Variants in HIPK2 observed in about 807,000 individuals in gnomAD.
HIPK2 encodes the protein homeodomain interacting protein kinase 2.
In HIPK2, 27 loss-of-function variants were observed where a neutral mutation model predicts 113.7. The ratio of observed to expected loss-of-function variants is 0.24; its 90% CI spans 0.17 to 0.33. HIPK2 has a LOEUF of 0.33. Ranked by LOEUF, HIPK2 falls within the 10% of genes least tolerant of loss-of-function variation. The pLI, the probability that HIPK2 is intolerant of heterozygous loss-of-function variation, is 1.00. For synonymous variants in HIPK2, 631 were observed against 642.2 expected, an observed-to-expected ratio of 0.98 and a Z score of 0.26; for missense variants, 1,257 against 1,588.0, an observed-to-expected ratio of 0.79 and a Z score of 3.54.
At chr7:139,593,985 C>T (rs776797820) in intron 12 of HIPK2, among the ~76,000 whole-genome samples, 4 of 152,162 alleles carry the variant, frequency 2.6e-5, no homozygotes, top group Non-Finnish European at 5.9e-5. Flanking sequence ...GCTGACCACC[C>T]CCATGTAAGG....
chr7:139,757,809 C>A (rs1200995086), intron 1 of HIPK2, among the ~76,000 whole-genome samples: 4 of 152,096 alleles, frequency 2.6e-5, no homozygotes, highest in Non-Finnish European at 5.9e-5. Context: ...ATCCTAAAAA[C>A]CACTGAACTA....
chr7:139,747,096 T>C (rs1370896691), intron 1 of HIPK2, among the ~76,000 whole-genome samples: 1 of 152,174 alleles, frequency 6.6e-6, no homozygotes, highest in Non-Finnish European at 1.5e-5. Flanking sequence ...CTTTTCGGTG[T>C]GAAACTGCAC....
At position 139,763,482 on chromosome 7, in the gene HIPK2, C is replaced by T. The variant is rs1034304127; in HGVS notation, c.19+14123G>A. 6.4e-3 allele frequency among the ~76,000 whole-genome samples: 872 copies of T among 135,210 alleles called. 55 individuals are homozygous for T. The highest frequency in any genetic ancestry group is 0.025 in the African/African-American group (826 of 33,572). 88.7% of individuals were successfully genotyped at this position (135,210 alleles called of 152,430 possible). ...ATTTTGCCGGAACACGCCCCCCCCCCCACACGCCCCTCCCACCACGTGACT... is the reference window on the plus strand; with the variant it reads ...ATTTTGCCGGAACACGCCCCCCCCCTCACACGCCCCTCCCACCACGTGACT... On this transcript the variant is annotated intron_variant, in intron 1 of 14. Coordinates refer to ENST00000406875, the MANE Select transcript of HIPK2 (RefSeq NM_022740.5).
chr7:139,658,700 T>TG (rs1801759437), intron 2 of HIPK2, among the ~76,000 whole-genome samples: 1 of 152,052 alleles, frequency 6.6e-6, no homozygotes, highest in Non-Finnish European at 1.5e-5. Flanking sequence ...GCTGTGAAGG[T>TG]GGGGATAAGA....
chr7:139,700,016 G>A (rs1794663584), intron 2 of HIPK2, among the ~76,000 whole-genome samples: 1 of 152,188 alleles, frequency 6.6e-6, no homozygotes, highest in East Asian at 1.9e-4. Context: ...ATGGAGCAGT[G>A]ATGCAGATAT....
intron 1 of HIPK2, among the ~76,000 whole-genome samples, chr7:139,750,023 C>T (rs1796255177): frequency 6.6e-6 from 1 of 152,238 alleles, no homozygotes; most frequent in Non-Finnish European, 1.5e-5. Context: ...CCCGTCCAGA[C>T]CTGCCTCTGT....
intron 1 of HIPK2, among the ~76,000 whole-genome samples, chr7:139,759,386 A>C (rs977555945): frequency 3.3e-5 from 5 of 152,256 alleles, no homozygotes; most frequent in African/African-American, 1.2e-4. Flanking sequence ...AATAACTTTT[A>C]AAAATGACAG....
At chr7:139,593,857 G>A (rs1799108757) in intron 12 of HIPK2, among the ~76,000 whole-genome samples, 1 of 152,214 alleles carries the variant, frequency 6.6e-6, no homozygotes, top group Admixed American at 6.5e-5. Context: ...AAGGGCTGGG[G>A]AAGCTCTTCA....
chr7:139,596,659 G>A (rs1334784458), intron 12 of HIPK2, 58 bp downstream of exon 12: 2 of 1,576,442 alleles, frequency 1.3e-6, no homozygotes, highest in East Asian at 2.3e-5. Flanking sequence ...GGTCAGATCT[G>A]CACACAATGC....
chr7:139,652,179 C>T (rs574932876), intron 2 of HIPK2, among the ~76,000 whole-genome samples: 13 of 152,188 alleles, frequency 8.5e-5, no homozygotes, highest in African/African-American at 3.1e-4. Context: ...GTCCTTTGCA[C>T]ATTTTTGGAA....
In HIPK2 at chr7:139,565,097, C is replaced by G. The variant is rs934252395; in HGVS notation, c.*7830G>C. 2.0e-5 allele frequency: 3 copies of G among 151,946 alleles called. No individual in the cohort carries two copies. Among genetic ancestry groups the G allele is most frequent in the African/African-American group, 7.3e-5 (3 of 41,334 alleles). 9.4% of individuals were successfully genotyped at this position (151,946 alleles called of 1,614,324 possible). On this transcript the variant is annotated 3_prime_UTR_variant, in exon 15 of 15. Transcript: ENST00000406875. ...TCTTTAAATTCCAAGATCAAGCTGG[C>G]TACATGATTTCAAAAAAGGCTAAAA...
intron 13 of HIPK2, among the ~76,000 whole-genome samples, chr7:139,575,585 C>T (rs1240037911): frequency 6.6e-6 from 1 of 152,154 alleles, no homozygotes; most frequent in Admixed American, 6.5e-5. Flanking sequence ...AAGGCCAGGC[C>T]CAGTGCCGTT....
rs115110703 is a variant in HIPK2, at chr7:139,683,996, G to A, written c.1103+31936C>T. 0.021 allele frequency among the ~76,000 whole-genome samples: 3,194 copies of A among 151,454 alleles called. 100 individuals are homozygous for A. Among genetic ancestry groups the A allele is most frequent in the African/African-American group, 0.073 (2,989 of 41,216 alleles). The stretch of plus-strand genomic sequence containing the variant: ...CACAAATTGAAGGTTTGTGGCAACC[G>A]TGCATCGAGCCGGTCTATCAGTACC... On this transcript the variant is annotated intron_variant, in intron 2 of 14. Coordinates refer to ENST00000406875, the MANE Select transcript of HIPK2 (RefSeq NM_022740.5). The surrounding 1 kb of genome is among the most constrained non-coding windows in gnomAD (Gnocchi z 4.2).
rs779483776 is a variant in HIPK2 at position 139,572,013 on chromosome 7, A to AG, written c.*913dup. The AG allele has an allele frequency of 9.2e-5, 14 of 152,374 alleles. No individual in the cohort carries two copies. The highest frequency in any genetic ancestry group is 1.9e-4 in the Non-Finnish European group (13 of 68,028). The allele number at this position is 152,374 out of a possible 1,614,324, so 9.4% of individuals were successfully genotyped here. ...TCATTGGAGTTGAACACAAGGTAGG[A>AG]GACAAGGGTGCTGAGTGCTACATTC... On this transcript the variant is annotated 3_prime_UTR_variant, in exon 15 of 15. Transcript: ENST00000406875.
chr7:139,635,011 C>CA (rs1184361187), intron 2 of HIPK2, among the ~76,000 whole-genome samples: 9 of 152,148 alleles, frequency 5.9e-5, no homozygotes, highest in African/African-American at 2.2e-4. Context: ...AGAACACTAC[C>CA]AAAAAAAGTA....
intron 2 of HIPK2, among the ~76,000 whole-genome samples, chr7:139,649,582 C>CG (rs923708440): frequency 1.1e-4 from 16 of 151,674 alleles, no homozygotes; most frequent in African/African-American, 1.7e-4. Flanking sequence ...TGTTAGAATT[C>CG]GGGGGGGTGG....
At chr7:139,624,027 A>AT (rs61607452) in intron 6 of HIPK2, among the ~76,000 whole-genome samples, 37,407 of 143,410 alleles carry the variant, frequency 0.26, 4,982 homozygotes, top group Non-Finnish European at 0.31. Flanking sequence ...ACGGCTTCCT[A>AT]TTTTTTTTTT....
intron 13 of HIPK2, among the ~76,000 whole-genome samples, chr7:139,576,773 G>A (rs1268446468): frequency 6.6e-6 from 1 of 152,252 alleles, no homozygotes; most frequent in African/African-American, 2.4e-5. Flanking sequence ...GAAGGCTGAT[G>A]GAACAGGACA....
intron 1 of HIPK2, among the ~76,000 whole-genome samples, chr7:139,732,684 C>T (rs147357256): frequency 6.6e-6 from 1 of 151,650 alleles, no homozygotes; most frequent in African/African-American, 2.4e-5. Flanking sequence ...CCCCTCATCT[C>T]TAAAGTGGAG....
Sources: allele counts gnomAD v4.1 joint callset (sites outside exome capture counted in the v4.1 genomes callset), GRCh38; gene constraint gnomAD v4.1.1; non-coding constraint Gnocchi (gnomAD v3.1); transcripts MANE v1.5; gene names NCBI Gene and HGNC (gene_info 2026-07-23, HGNC 2026-07-21).